MDGA2: variants seen among roughly 807,000 people sequenced by gnomAD.
The protein encoded by MDGA2 is MAM domain-containing glycosylphosphatidylinositol anchor protein 2.
Under a neutral mutation model 117.8 loss-of-function variants are expected in MDGA2, and 40 were observed. The ratio of observed to expected loss-of-function variants is 0.34; its 90% CI spans 0.26 to 0.44. The LOEUF is 0.44. MDGA2 is among the 20% of genes least tolerant of loss of function. The pLI, the probability that MDGA2 is intolerant of heterozygous loss-of-function variation, is 1.00. For missense variants in MDGA2, 1,123 were observed against 1,250.6 expected, an observed-to-expected ratio of 0.90 and a Z score of 1.54; for synonymous variants, 452 against 439.0, an observed-to-expected ratio of 1.03 and a Z score of -0.37.
intron 5 of MDGA2, among the ~76,000 whole-genome samples, chr14:47,102,964 T>C (rs1880427530): frequency 6.6e-6 from 1 of 152,046 alleles, no homozygotes; most frequent in Non-Finnish European, 1.5e-5. Context: ...AGTGGCTACA[T>C]GGAGACAATG....
intron 7 of MDGA2, among the ~76,000 whole-genome samples, chr14:47,039,417 A>C (rs925236704): frequency 9.8e-5 from 15 of 152,300 alleles, no homozygotes; most frequent in South Asian, 8.3e-4. Context: ...ACTATGTCTC[A>C]TATCTGCCTG....
chr14:47,644,160 C>G (rs1897480780), intron 1 of MDGA2, among the ~76,000 whole-genome samples: 1 of 152,090 alleles, frequency 6.6e-6, no homozygotes, highest in South Asian at 2.1e-4. Flanking sequence ...CCCAAAGATT[C>G]CCACACTCTA....
chr14:46,931,648 G>A (rs1171052134), intron 9 of MDGA2, among the ~76,000 whole-genome samples: 3 of 150,288 alleles, frequency 2.0e-5, no homozygotes, highest in Admixed American at 2.0e-4. Context: ...TCAGCCTCCT[G>A]AGTAGCGGGG....
chr14:47,615,985 T>A (rs1896942539), intron 1 of MDGA2, among the ~76,000 whole-genome samples: 2 of 152,098 alleles, frequency 1.3e-5, no homozygotes, highest in South Asian at 4.1e-4. Flanking sequence ...TTGTTCCTCC[T>A]TCCAATCTCT....
rs1885616796 is a variant in MDGA2 at position 46,957,650 on chromosome 14, A to G, written c.1820-7T>C. 6.2e-7 allele frequency: 1 copy of G among 1,613,600 alleles called. No individual in the cohort carries two copies. The highest frequency in any genetic ancestry group is 2.2e-5 in the East Asian group (1 of 44,882). The stretch of plus-strand genomic sequence containing the variant: ...GGTTCCACTGCAGGGGGATCTGTAG[A>G]AAAGATATGTAAAAACAGATGAAAG... On this transcript the variant is annotated splice_region_variant and splice_polypyrimidine_tract_variant and intron_variant, in intron 8 of 16. Transcript: ENST00000399232.
Position 47,061,530 on chromosome 14 carries a change from T to A in MDGA2, c.1244A>T (p.Asp415Val). 6.2e-7 allele frequency: 1 copy of A among 1,613,284 alleles called. No homozygotes were observed. The highest frequency in any genetic ancestry group is 8.5e-7 in the Non-Finnish European group (1 of 1,179,530). Reference sequence around the variant, plus strand: ...CTCACGGCCAATCTGGATGTTGTCATCTTTGTGATAAGGATCTGGTGTGAT... The same window carrying A: ...CTCACGGCCAATCTGGATGTTGTCAACTTTGTGATAAGGATCTGGTGTGAT... ...FWITPDPYHK[D>V]DNIQIGREVK... The change falls in exon 7 of 17, where the codon GAT (aspartate) becomes GTT (valine). Residue 415 changes from aspartate (D) to valine (V), a missense_variant. Asp to Val is a radical substitution (Grantham distance 152). Coordinates refer to ENST00000399232, the MANE Select transcript of MDGA2 (RefSeq NM_001113498.3).
At chr14:47,430,437 C>G (rs1892776357) in intron 1 of MDGA2, among the ~76,000 whole-genome samples, 1 of 152,046 alleles carries the variant, frequency 6.6e-6, no homozygotes, top group Non-Finnish European at 1.5e-5. Flanking sequence ...CATATGATCC[C>G]TTTGCCACGA....
chr14:46,884,963 C>T lies in MDGA2; in HGVS notation c.2239-2742G>A, dbSNP rs375531251. Among the ~76,000 whole-genome samples the T allele has an allele frequency of 1.3e-3, 198 of 151,996 alleles. 2 individuals carry two copies. Among genetic ancestry groups the T allele is most frequent in the African/African-American group, 4.5e-3 (186 of 41,456 alleles). ...CAGGATTCAAGCAATTCTCCTGCCT[C>T]GGCCCCCTGAGTAAATGGAATTACA... On this transcript the variant is annotated intron_variant, in intron 10 of 16. Transcript: ENST00000399232. The surrounding 1 kb of genome is among the most constrained non-coding windows in gnomAD (Gnocchi z 4.1).
intron 10 of MDGA2, among the ~76,000 whole-genome samples, chr14:46,911,955 T>C (rs1283490308): frequency 1.3e-5 from 2 of 152,008 alleles, no homozygotes; most frequent in East Asian, 1.9e-4. Flanking sequence ...CTCCATCCCA[T>C]TGCAGGGCAC....
At chr14:46,985,571 C>T (rs999563682) in intron 8 of MDGA2, among the ~76,000 whole-genome samples, 17 of 152,096 alleles carry the variant, frequency 1.1e-4, no homozygotes, top group South Asian at 4.1e-4. Context: ...AAAGATATTA[C>T]GTACTTAAAA....
chr14:47,264,877 C>A (rs1438289094), intron 2 of MDGA2, among the ~76,000 whole-genome samples: 1 of 151,980 alleles, frequency 6.6e-6, no homozygotes, highest in Non-Finnish European at 1.5e-5. Flanking sequence ...CAGACAGGCC[C>A]CCATGTGTGA....
intron 8 of MDGA2, among the ~76,000 whole-genome samples, chr14:46,983,633 CA>C (rs1483438758): frequency 6.6e-6 from 1 of 152,090 alleles, no homozygotes; most frequent in East Asian, 1.9e-4. Context: ...GGATGAATTT[CA>C]ATATCTTCCT....
rs900066264 is a variant in MDGA2 at position 46,977,298 on chromosome 14, G to A, written c.1820-19655C>T. ...CAAGGCCCTCACTTTTTTCTTAAAG[G>A]ATGATATGAATGGGAGGGGTTGAAA... is the stretch of plus-strand genomic sequence containing the variant. On this transcript the variant is annotated intron_variant, in intron 8 of 16. Transcript: ENST00000399232. Among the ~76,000 whole-genome samples the A allele has an allele frequency of 6.6e-5, 10 of 151,268 alleles. No homozygotes were observed. In the East Asian group the frequency reaches 9.7e-4, roughly 15 times the overall value.
At chr14:47,672,364 C>G (rs1898090092) in intron 1 of MDGA2, among the ~76,000 whole-genome samples, 1 of 152,186 alleles carries the variant, frequency 6.6e-6, no homozygotes, top group Non-Finnish European at 1.5e-5. Flanking sequence ...GCAGAACTGC[C>G]TCCTTGTTTA....
intron 8 of MDGA2, among the ~76,000 whole-genome samples, chr14:46,984,339 T>A (rs1886789863): frequency 6.6e-6 from 1 of 152,070 alleles, no homozygotes; most frequent in African/African-American, 2.4e-5. Context: ...TATTTTTACT[T>A]GTGTGTGGGC....
chr14:47,301,342 A>C (rs1889277362), intron 2 of MDGA2, 69 bp downstream of exon 2: 11 of 1,512,254 alleles, frequency 7.3e-6, no homozygotes, highest in Non-Finnish European at 8.9e-6. Context: ...AATATTCTAA[A>C]ATATACACTT....
chr14:47,403,913 A>G (rs1892207052), intron 1 of MDGA2, among the ~76,000 whole-genome samples: 1 of 152,104 alleles, frequency 6.6e-6, no homozygotes, highest in African/African-American at 2.4e-5. Context: ...TCAGAGATGT[A>G]TCTAAAAAGT....
intron 9 of MDGA2, among the ~76,000 whole-genome samples, chr14:46,955,732 C>T (rs1042194050): frequency 3.4e-5 from 5 of 145,696 alleles, no homozygotes; most frequent in African/African-American, 5.4e-5. Context: ...CCGTACATTT[C>T]GGTGTATAGG....
chr14:46,929,102 T>C (rs1488202929), intron 9 of MDGA2, among the ~76,000 whole-genome samples: 1 of 152,168 alleles, frequency 6.6e-6, no homozygotes, highest in East Asian at 1.9e-4. Context: ...CAGTTTGCAG[T>C]GTATTGTTAC....
Sources: allele counts gnomAD v4.1 joint callset (sites outside exome capture counted in the v4.1 genomes callset), GRCh38; gene constraint gnomAD v4.1.1; non-coding constraint Gnocchi (gnomAD v3.1); transcripts MANE v1.5; gene names NCBI Gene and HGNC (gene_info 2026-07-23, HGNC 2026-07-21).